DNAAF4: variants seen among roughly 807,000 people sequenced by gnomAD.
DNAAF4 encodes dynein axonemal assembly factor 4.
DNAAF4 carries 43 observed loss-of-function variants against 51.8 expected under a neutral mutation model. The ratio of observed to expected loss-of-function variants is 0.83; its 90% CI spans 0.65 to 1.07. The LOEUF (loss-of-function observed/expected upper bound fraction) is 1.07, where lower values mean the gene tolerates loss of function less well. DNAAF4 is among the 50% of genes least tolerant of loss of function. The pLI is 0.00. For synonymous variants in DNAAF4, 194 were observed against 165.6 expected (o/e 1.17, Z -1.32); for missense variants, 581 against 493.0 (o/e 1.18, Z -1.69).
downstream of DNAAF4, among the ~76,000 whole-genome samples, chr15:55,425,512 A>G (rs2057423028): frequency 6.6e-6 from 1 of 152,160 alleles, no homozygotes; most frequent in Admixed American, 6.5e-5. Context: ...CCTCACAGGA[A>G]TGAAAAGAAC....
intron 5 of DNAAF4, among the ~76,000 whole-genome samples, chr15:55,456,557 G>A (rs78905466): frequency 0.067 from 10,261 of 152,182 alleles, 415 homozygotes; most frequent in South Asian, 0.098. Context: ...CTCACAATGC[G>A]AACTTTTACT....
At chr15:55,477,941 T>C (rs1007462608) in intron 4 of DNAAF4, among the ~76,000 whole-genome samples, 3 of 151,470 alleles carry the variant, frequency 2.0e-5, no homozygotes, top group African/African-American at 7.3e-5. Context: ...CTGGGCATCA[T>C]GGCAGGTGCC....
chr15:55,463,172 TCACACACA>T lies in DNAAF4; in HGVS notation c.637+3750_637+3757del, dbSNP rs3221985. On this transcript the variant is annotated intron_variant, in intron 5 of 9. Transcript: ENST00000321149. ...CTAAGGAACACAGTGAGACTCTGTC[TCACACACA>T]CACACACACACACACACACACACAC... Among the ~76,000 whole-genome samples, 4 of 140,388 alleles carry T rather than the reference TCACACACA, an allele frequency of 2.8e-5. No individual in the cohort carries two copies. In the East Asian group the frequency reaches 6.3e-4, roughly 22 times the overall value. The allele number at this position is 140,388 out of a possible 152,430, so 92.1% of individuals were successfully genotyped here.
chr15:55,435,110 A>C (rs972882149), intron 7 of DNAAF4, 52 bp from the exon 8 acceptor site: 1 of 1,531,430 alleles, frequency 6.5e-7, no homozygotes, highest in Non-Finnish European at 8.8e-7. Flanking sequence ...AAACAGAAAC[A>C]CAGAAATAAT....
intron 1 of DNAAF4, among the ~76,000 whole-genome samples, chr15:55,503,635 A>G (rs1290688515): frequency 6.6e-6 from 1 of 152,192 alleles, no homozygotes; most frequent in Non-Finnish European, 1.5e-5. Context: ...CAAATCAATA[A>G]ACATAATCCA....
chr15:55,475,103 C>T (rs1256659826), intron 4 of DNAAF4, among the ~76,000 whole-genome samples: 1 of 152,118 alleles, frequency 6.6e-6, no homozygotes, highest in Non-Finnish European at 1.5e-5. Context: ...GGAGGGAAAT[C>T]TCAATATTAT....
chr15:55,498,261 GA>G lies in DNAAF4; in HGVS notation c.68del (p.Leu23ProfsTer18). The G allele has an allele frequency of 6.2e-7, 1 of 1,613,880 alleles. No homozygotes were observed. The highest frequency in any genetic ancestry group is 8.5e-7 in the Non-Finnish European group (1 of 1,179,898). On this transcript the variant is annotated frameshift_variant, in exon 2 of 10. Transcript: ENST00000321149. LOFTEE classifies it high-confidence loss of function. ...CCGTGTCTCTGACGCACACGCCTTT[GA>G]GGGGCAGAGACAGAAAGACCGCAGT... Reference protein sequence around the residue: ...TKTAVFLSLPLKGVCVRDTDV... With the variant: ...TKTAVFLSLPXKGVCVRDTDV...
chr15:55,500,442 A>G (rs1484792020), intron 1 of DNAAF4, among the ~76,000 whole-genome samples: 1 of 152,176 alleles, frequency 6.6e-6, no homozygotes, highest in African/African-American at 2.4e-5. Flanking sequence ...ATCTTACATT[A>G]TCTTCTAAAG....
At chr15:55,467,746 TAATCCTGCTGCA>T (rs1378946408) in intron 4 of DNAAF4, among the ~76,000 whole-genome samples, 1 of 142,134 alleles carries the variant, frequency 7.0e-6, no homozygotes, top group Non-Finnish European at 1.6e-5. Context: ...TTTGAAGTCT[TAATCCTGCTGCA>T]AAACCTATGT....
chr15:55,504,279 A>C (rs2058714974), intron 1 of DNAAF4, among the ~76,000 whole-genome samples: 1 of 152,230 alleles, frequency 6.6e-6, no homozygotes, highest in South Asian at 2.1e-4. Flanking sequence ...AGAGGACACA[A>C]ACAAATGGAA....
At chr15:55,497,984 A>C in intron 2 of DNAAF4, 125 bp from the exon 3 acceptor site, 1 of 1,364,552 alleles carries the variant, frequency 7.3e-7, no homozygotes, top group Non-Finnish European at 9.9e-7. Flanking sequence ...AGGTAGTGAA[A>C]GATTAGCAAG....
intron 6 of DNAAF4, among the ~76,000 whole-genome samples, chr15:55,448,520 GTGTGTGT>G (rs1353577504): frequency 0.11 from 3,441 of 30,482 alleles, 178 homozygotes; most frequent in East Asian, 0.16. Context: ...AAAAAAAAGG[GTGTGTGT>G]GTGTGTGTGT....
rs111911388 is a variant in DNAAF4, at chr15:55,448,519, G to GGTGTGTGTGTGTGT, written c.783+1689_783+1702dup. Among the ~76,000 whole-genome samples the GGTGTGTGTGTGTGT allele has an allele frequency of 1.4e-4, 14 of 99,904 alleles. 1 individual carries two copies. The South Asian group carries it at 4.2e-3, about 30-fold the overall frequency. 65.5% of individuals were successfully genotyped at this position (99,904 alleles called of 152,430 possible). On this transcript the variant is annotated intron_variant, in intron 6 of 9. Coordinates refer to ENST00000321149, the MANE Select transcript of DNAAF4 (RefSeq NM_130810.4). The stretch of plus-strand genomic sequence containing the variant: ...CCAACTCAAAAAAAAAAAAAAAAAG[G>GGTGTGTGTGTGTGT]GTGTGTGTGTGTGTGTGTGTGTGTG...
At chr15:55,425,724 C>T (rs539151897), downstream of DNAAF4, among the ~76,000 whole-genome samples, 4 of 152,240 alleles carry the variant, frequency 2.6e-5, no homozygotes, top group South Asian at 4.1e-4. Flanking sequence ...AAAGAGCTAA[C>T]GTGTGGAAAA....
chr15:55,482,804 G>A (rs995174165), intron 4 of DNAAF4, among the ~76,000 whole-genome samples: 1 of 152,118 alleles, frequency 6.6e-6, no homozygotes, highest in African/African-American at 2.4e-5. Context: ...ACTGATGAAT[G>A]GATAAACAAA....
intron 4 of DNAAF4, among the ~76,000 whole-genome samples, chr15:55,487,150 G>A (rs999572855): frequency 1.3e-4 from 20 of 152,168 alleles, no homozygotes; most frequent in Non-Finnish European, 2.6e-4. Context: ...AACTTTTCCT[G>A]TCTAGCTAAA....
Position 55,498,348 on chromosome 15 carries a change from G to T in DNAAF4, c.-19C>A, listed in dbSNP as rs748531596. On this transcript the variant is annotated 5_prime_UTR_variant, in exon 2 of 10. Transcript: ENST00000321149. ...GAGGCATTCCGGTAGCAACGGGAGC[G>T]GATAGCGCGGCTGGTTGCTTCTTGC... is the stretch of plus-strand genomic sequence containing the variant. 22 of 1,593,386 alleles carry T rather than the reference G, an allele frequency of 1.4e-5. No homozygotes were observed. The highest frequency in any genetic ancestry group is 5.4e-5 in the African/African-American group (4 of 74,002).
At chr15:55,446,843 CCGGG>C (rs2057833645) in intron 6 of DNAAF4, among the ~76,000 whole-genome samples, 1 of 144,260 alleles carries the variant, frequency 6.9e-6, no homozygotes, top group African/African-American at 2.6e-5. Context: ...GATGGGGTGG[CCGGG>C]CAGAGGTGCT....
exon 8 of DNAAF4, chr15:55,417,972 G>A: frequency 1.5e-6 from 1 of 657,684 alleles, no homozygotes; most frequent in Non-Finnish European, 2.5e-6. Flanking sequence ...ATTTCACAAG[G>A]TAATGTCATC....
Sources: allele counts gnomAD v4.1 joint callset (sites outside exome capture counted in the v4.1 genomes callset), GRCh38; gene constraint gnomAD v4.1.1; transcripts MANE v1.5; gene names NCBI Gene and HGNC (gene_info 2026-07-23, HGNC 2026-07-21).